The following NELL1 variants were observed in gnomAD, a reference collection of about 807,000 sequenced individuals.
NELL1 encodes the protein neural EGFL like 1.
NELL1 carries 76 observed loss-of-function variants against 107.4 expected under a neutral mutation model. The observed-to-expected ratio is 0.71, with a 90% confidence interval of 0.59 to 0.86. The LOEUF is 0.86. Ranked by LOEUF, NELL1 falls within the 40% of genes least tolerant of loss-of-function variation. The pLI, the probability that NELL1 is intolerant of heterozygous loss-of-function variation, is 0.00. For synonymous variants in NELL1, 353 were observed against 341.2 expected, an observed-to-expected ratio of 1.03 and a Z score of -0.38; for missense variants, 1,024 against 1,005.5, an observed-to-expected ratio of 1.02 and a Z score of -0.25.
intron 12 of NELL1, among the ~76,000 whole-genome samples, chr11:21,024,223 T>C (rs1395850217): frequency 6.6e-6 from 1 of 152,144 alleles, no homozygotes; most frequent in Non-Finnish European, 1.5e-5. Context: ...TTCACAAATA[T>C]CTGAACTACC....
chr11:20,944,186 G>C (rs887313950), intron 10 of NELL1, among the ~76,000 whole-genome samples: 2 of 152,134 alleles, frequency 1.3e-5, no homozygotes, highest in Non-Finnish European at 2.9e-5. Flanking sequence ...TTGATATTCT[G>C]TCATTCAGTT....
chr11:21,170,212 G>A (rs149735244), intron 13 of NELL1: 290 of 488,334 alleles, frequency 5.9e-4, no homozygotes, highest in Non-Finnish European at 8.1e-4. Context: ...TCTGTCGAAC[G>A]TGTTGGGAAA....
chr11:21,258,779 A>G (rs920639451), intron 14 of NELL1, among the ~76,000 whole-genome samples: 1 of 152,046 alleles, frequency 6.6e-6, no homozygotes, highest in Non-Finnish European at 1.5e-5. Context: ...ATTAACCATC[A>G]TACTTACACT....
At chr11:20,841,765 G>A (rs1263058969) in intron 3 of NELL1, among the ~76,000 whole-genome samples, 2 of 151,100 alleles carry the variant, frequency 1.3e-5, no homozygotes, top group Admixed American at 6.6e-5. Context: ...TACACTCTAA[G>A]AGCCTTTTGA....
chr11:21,442,644 C>G (rs960618724), intron 15 of NELL1, among the ~76,000 whole-genome samples: 4 of 152,208 alleles, frequency 2.6e-5, no homozygotes, highest in African/African-American at 9.6e-5. Flanking sequence ...TTCTTATGTG[C>G]ATGGAACTTT....
intron 2 of NELL1, among the ~76,000 whole-genome samples, chr11:20,741,695 C>T (rs543967089): frequency 6.6e-6 from 1 of 152,140 alleles, no homozygotes; most frequent in Non-Finnish European, 1.5e-5. Flanking sequence ...GTCACCCAAA[C>T]CCATCAAGGT....
chr11:20,805,284 C>T (rs1454790811), intron 3 of NELL1, among the ~76,000 whole-genome samples: 2 of 152,068 alleles, frequency 1.3e-5, no homozygotes, highest in African/African-American at 4.8e-5. Context: ...GAGTTTAGTC[C>T]ATTCACATTC....
intron 14 of NELL1, among the ~76,000 whole-genome samples, chr11:21,264,858 G>T (rs181773924): frequency 2.3e-3 from 346 of 151,946 alleles, no homozygotes; most frequent in African/African-American, 8.0e-3. Context: ...AGATTCTCTT[G>T]CTTTATCCTA....
At chr11:20,755,563 T>TTTTTATTTATTTATTTA (rs1856256380) in intron 2 of NELL1, among the ~76,000 whole-genome samples, 1 of 19,114 alleles carries the variant, frequency 5.2e-5, no homozygotes, top group East Asian at 1.6e-3. Context: ...TTTGTTTTTG[T>TTTTTATTTATTTATTTA]TTTTTTTTTT....
chr11:20,851,337 T>G (rs1017734053), intron 4 of NELL1, among the ~76,000 whole-genome samples: 6 of 152,218 alleles, frequency 3.9e-5, no homozygotes, highest in Admixed American at 3.3e-4. Flanking sequence ...TCTCCTTGTT[T>G]CAGCTGTTTA....
intron 5 of NELL1, among the ~76,000 whole-genome samples, chr11:20,915,207 G>T (rs1170057179): frequency 1.3e-5 from 2 of 151,928 alleles, no homozygotes; most frequent in African/African-American, 2.4e-5. Context: ...ATATGAGTTG[G>T]ATGCAATAAT....
intron 5 of NELL1, among the ~76,000 whole-genome samples, chr11:20,892,974 G>A (rs1849649342): frequency 6.7e-6 from 1 of 150,216 alleles, no homozygotes; most frequent in Non-Finnish European, 1.5e-5. Context: ...TATGTTTATT[G>A]CAGCACTATT....
intron 2 of NELL1, among the ~76,000 whole-genome samples, chr11:20,727,819 A>G (rs1033841818): frequency 2.0e-5 from 3 of 152,164 alleles, no homozygotes; most frequent in African/African-American, 7.2e-5. Context: ...ACATATGGCT[A>G]GCCAGTTTTC....
rs1047392362 is a variant in NELL1, at chr11:21,295,454, AAGAG to A, written c.1549+66004_1549+66007del. Among the ~76,000 whole-genome samples, 10 of 152,234 alleles carry A rather than the reference AAGAG, an allele frequency of 6.6e-5. No homozygotes were observed. The East Asian group carries it at 9.7e-4, about 15-fold the overall frequency. On this transcript the variant is annotated intron_variant, in intron 14 of 19. Coordinates refer to ENST00000357134, the MANE Select transcript of NELL1 (RefSeq NM_006157.5). ...TTTCCTTAGAGTAATGACAGACAAA[AAGAG>A]AGAACACTTAAAACAGGAATGATGT...
At position 20,813,180 on chromosome 11, in the gene NELL1, T is replaced by A. The variant is rs867699835; in HGVS notation, c.335+29350T>A. The stretch of plus-strand genomic sequence containing the variant: ...AGGTTACTCCAAGGACATTTCATTT[T>A]TCTTATGACCATGGGTGACCATATT... On this transcript the variant is annotated intron_variant, in intron 3 of 19. Transcript: ENST00000357134. Among the ~76,000 whole-genome samples the A allele has an allele frequency of 5.9e-5, 9 of 152,190 alleles. No homozygotes were observed. In the South Asian group the frequency reaches 1.0e-3, roughly 17 times the overall value.
At chr11:21,021,150 A>G (rs1280794736) in intron 12 of NELL1, among the ~76,000 whole-genome samples, 1 of 151,784 alleles carries the variant, frequency 6.6e-6, no homozygotes, top group African/African-American at 2.4e-5. Context: ...CTGTATTTTT[A>G]TGAACTATAT....
intron 13 of NELL1, among the ~76,000 whole-genome samples, chr11:21,177,145 G>A (rs1353356659): frequency 1.3e-5 from 2 of 151,698 alleles, no homozygotes; most frequent in Non-Finnish European, 2.9e-5. Flanking sequence ...GAGGAATTTA[G>A]AAATACACAT....
intron 4 of NELL1, among the ~76,000 whole-genome samples, chr11:20,867,295 T>TA (rs1042539050): frequency 8.6e-5 from 13 of 151,884 alleles, no homozygotes; most frequent in African/African-American, 3.1e-4. Context: ...GTTTTCTCAT[T>TA]AAAAAAAAGA....
At chr11:21,354,561 T>A (rs1019755758) in intron 14 of NELL1, among the ~76,000 whole-genome samples, 4 of 152,148 alleles carry the variant, frequency 2.6e-5, no homozygotes, top group Non-Finnish European at 4.4e-5. Flanking sequence ...CCTTTCAGCT[T>A]CCCCAACTCC....
Sources: allele counts gnomAD v4.1 joint callset (sites outside exome capture counted in the v4.1 genomes callset), GRCh38; gene constraint gnomAD v4.1.1; transcripts MANE v1.5; gene names NCBI Gene and HGNC (gene_info 2026-07-23, HGNC 2026-07-21).